RYR2: variants seen among roughly 807,000 people sequenced by gnomAD.
RYR2 encodes the protein ryanodine receptor 2.
RYR2 carries 227 observed loss-of-function variants against 601.1 expected under a neutral mutation model. That is an observed-to-expected ratio of 0.38 (90% CI 0.34 to 0.42). RYR2 has a LOEUF of 0.42. RYR2 is among the 10% of genes least tolerant of loss of function. The pLI, the probability that RYR2 is intolerant of heterozygous loss-of-function variation, is 1.00. For missense variants in RYR2, 4,646 were observed against 6,156.5 expected, an observed-to-expected ratio of 0.75 and a Z score of 8.21; for synonymous variants, 2,223 against 2,175.1, an observed-to-expected ratio of 1.02 and a Z score of -0.61.
At chr1:237,156,703 A>C (rs1675376782) in intron 1 of RYR2, among the ~76,000 whole-genome samples, 1 of 152,234 alleles carries the variant, frequency 6.6e-6, no homozygotes, top group Non-Finnish European at 1.5e-5. Flanking sequence ...AGTAATATGT[A>C]GAATGTGGTG....
At chr1:237,697,110 T>C (rs12122294) in intron 63 of RYR2, among the ~76,000 whole-genome samples, 9,248 of 151,570 alleles carry the variant, frequency 0.061, 427 homozygotes, top group African/African-American at 0.12. Context: ...TTGCTCTGAC[T>C]CCCTTAGCCA....
intron 62 of RYR2, among the ~76,000 whole-genome samples, chr1:237,684,269 G>A (rs1293428528): frequency 2.0e-5 from 3 of 151,802 alleles, no homozygotes; most frequent in East Asian, 1.9e-4. Context: ...ACCTATGTAC[G>A]GCAAGCTGTC....
chr1:237,828,223 C>G (rs573601292), intron 101 of RYR2, among the ~76,000 whole-genome samples, 158 bp from the exon 102 acceptor site: 38 of 152,166 alleles, frequency 2.5e-4, no homozygotes, highest in Non-Finnish European at 5.0e-4. Context: ...AACACCGCCT[C>G]CTTTCTCCTA....
intron 10 of RYR2, among the ~76,000 whole-genome samples, chr1:237,410,603 A>G (rs1280641461): frequency 2.0e-5 from 3 of 152,190 alleles, no homozygotes; most frequent in Non-Finnish European, 4.4e-5. Context: ...TTGCTTTTGT[A>G]TGATAATAAC....
chr1:237,544,034 A>G (rs1326810741), intron 25 of RYR2, among the ~76,000 whole-genome samples: 2 of 152,286 alleles, frequency 1.3e-5, no homozygotes, highest in African/African-American at 4.8e-5. Context: ...AAATTTTGCT[A>G]TCGGGAAAGC....
At chr1:237,220,680 G>T (rs1683710348) in intron 1 of RYR2, among the ~76,000 whole-genome samples, 1 of 152,132 alleles carries the variant, frequency 6.6e-6, no homozygotes, top group African/African-American at 2.4e-5. Context: ...AACCTTTTCA[G>T]AGTAGATTAT....
intron 2 of RYR2, among the ~76,000 whole-genome samples, chr1:237,287,439 A>G (rs1691686672): frequency 6.6e-6 from 1 of 152,180 alleles, no homozygotes; most frequent in Admixed American, 6.5e-5. Context: ...CCTCAGGAAC[A>G]CTGATTATTC....
chr1:237,535,484 T>TACACACACACACAC (rs58146773), intron 25 of RYR2, among the ~76,000 whole-genome samples: 14 of 144,726 alleles, frequency 9.7e-5, no homozygotes, highest in African/African-American at 2.1e-4. Context: ...CAAACACACA[T>TACACACACACACAC]ACACACACAC....
intron 16 of RYR2, among the ~76,000 whole-genome samples, chr1:237,460,270 C>A (rs577677654): frequency 6.6e-6 from 1 of 152,164 alleles, no homozygotes; most frequent in African/African-American, 2.4e-5. Flanking sequence ...CCAAATACAA[C>A]GCTTCTCGCA....
intron 10 of RYR2, among the ~76,000 whole-genome samples, chr1:237,414,450 G>A (rs1446952944): frequency 6.6e-6 from 1 of 152,068 alleles, no homozygotes; most frequent in Non-Finnish European, 1.5e-5. Context: ...GAAACTCTGG[G>A]GATGGGTCCA....
At chr1:237,048,006 C>T (rs529276451) in intron 1 of RYR2, among the ~76,000 whole-genome samples, 17 of 152,304 alleles carry the variant, frequency 1.1e-4, no homozygotes, top group Non-Finnish European at 2.2e-4. Flanking sequence ...ACCGTAGATT[C>T]GACAGCCCTG....
chr1:237,550,778 C>A, intron 27 of RYR2, 87 bp downstream of exon 27: 1 of 1,361,436 alleles, frequency 7.3e-7, no homozygotes, highest in Non-Finnish European at 9.9e-7. Context: ...AGGGGGAGTA[C>A]TGGATAGAGT....
rs186015873 is a variant in RYR2, at chr1:237,635,993, C to T, written c.6792+1001C>T. Among the ~76,000 whole-genome samples, 12 of 150,076 alleles carry T rather than the reference C, an allele frequency of 8.0e-5. 1 individual carries two copies. Among genetic ancestry groups the T allele is most frequent in the African/African-American group, 3.0e-4 (12 of 40,138 alleles). On this transcript the variant is annotated intron_variant, in intron 44 of 104. Transcript: ENST00000366574. ...AAGTCACCCTCTTGATCAGCTCTTC[C>T]ACATCCATGCTGTGTAAAACTGAAA...
Position 237,784,120 on chromosome 1 carries a change from C to A in RYR2, c.12408C>A (p.Ile4136=), listed in dbSNP as rs1294331175. ...ATTTCCAGCCCTTTCTGGGCCGCAT[C>A]GAAATCATGGGAAGCGCCAAACGCA... ...LNYFQPFLGR[I]EIMGSAKRIE... Residue 4136 remains isoleucine, a synonymous_variant, in exon 90 of 105, where the codon ATC becomes ATA. Coordinates refer to ENST00000366574, the MANE Select transcript of RYR2 (RefSeq NM_001035.3). The surrounding 1 kb of genome is among the most constrained non-coding windows in gnomAD (Gnocchi z 7.1). The A allele has an allele frequency of 1.9e-6, 3 of 1,613,962 alleles. No individual in the cohort carries two copies. Among genetic ancestry groups the A allele is most frequent in the East Asian group, 2.2e-5 (1 of 44,866 alleles).
At chr1:237,226,884 T>G (rs1684423958) in intron 1 of RYR2, among the ~76,000 whole-genome samples, 1 of 152,168 alleles carries the variant, frequency 6.6e-6, no homozygotes, top group African/African-American at 2.4e-5. Flanking sequence ...TTCTCCAGCC[T>G]TAGCCTCCCA....
At chr1:237,627,405 C>T (rs1418818959) in intron 40 of RYR2, among the ~76,000 whole-genome samples, 5 of 151,944 alleles carry the variant, frequency 3.3e-5, no homozygotes, top group Non-Finnish European at 5.9e-5. Context: ...TGTCCGTGAC[C>T]GAACTTTATA....
chr1:237,383,624 C>T (rs184699557), intron 8 of RYR2, among the ~76,000 whole-genome samples: 283 of 151,722 alleles, frequency 1.9e-3, no homozygotes, highest in South Asian at 0.01. Flanking sequence ...AGAGACGGGG[C>T]TTCACCGTGT....
chr1:237,102,313 A>G (rs927099195), intron 1 of RYR2, among the ~76,000 whole-genome samples: 2 of 152,194 alleles, frequency 1.3e-5, no homozygotes, highest in African/African-American at 4.8e-5. Flanking sequence ...GTGGAGAGGC[A>G]TCCAGGAAGG....
At chr1:237,072,809 G>A (rs529492657) in intron 1 of RYR2, among the ~76,000 whole-genome samples, 7 of 152,072 alleles carry the variant, frequency 4.6e-5, no homozygotes, top group South Asian at 2.1e-4. Context: ...TTACCCAGGC[G>A]TGGTGGCAGT....
Sources: allele counts gnomAD v4.1 joint callset (sites outside exome capture counted in the v4.1 genomes callset), GRCh38; gene constraint gnomAD v4.1.1; non-coding constraint Gnocchi (gnomAD v3.1); transcripts MANE v1.5; gene names NCBI Gene and HGNC (gene_info 2026-07-23, HGNC 2026-07-21).